CP: variants seen among roughly 807,000 people sequenced by gnomAD.
The protein encoded by CP is ceruloplasmin.
Under a neutral mutation model 122.4 loss-of-function variants are expected in CP, and 64 were observed. That is an observed-to-expected ratio of 0.52 (90% CI 0.43 to 0.64). CP has a LOEUF of 0.64. Ranked by LOEUF, CP falls within the 30% of genes least tolerant of loss-of-function variation. CP has a pLI of 0.00. For missense variants in CP, 1,167 were observed against 1,284.4 expected (o/e 0.91, Z 1.40); for synonymous variants, 440 against 436.4 (o/e 1.01, Z -0.10).
downstream of CP, chr3:149,167,950 G>T (rs750271056): frequency 6.2e-7 from 1 of 1,602,358 alleles, no homozygotes; most frequent in Non-Finnish European, 8.6e-7. Flanking sequence ...ATGTGGTGGA[G>T]AGAAGTATCA....
At position 149,199,714 on chromosome 3, in the gene CP, C is replaced by T. The variant is rs761940978; in HGVS notation, c.1499G>A (p.Arg500Lys). Residue 500 changes from arginine to lysine, a missense_variant and splice_region_variant, in exon 8 of 19, where the codon AGA (arginine) becomes AAA (lysine). This residue lies in a region of CP where 642 missense variants were observed against 627.3 expected (regional missense o/e 1.02). Coordinates refer to ENST00000264613, the MANE Select transcript of CP (RefSeq NM_000096.4). ...YYSPNYNPQS[R>K]SVPPSASHVA... ...GTTACACAGTGCTGTATACTCACTT[C>T]TGCTCTGGGGGTTGTAATTTGGGGA... 3 of 1,614,066 alleles carry T rather than the reference C, an allele frequency of 1.9e-6. No homozygotes were observed. The highest frequency in any genetic ancestry group is 2.5e-6 in the Non-Finnish European group (3 of 1,180,000).
Position 149,162,511 on chromosome 3 carries a change from G to T in CP, c.*378C>A, listed in dbSNP as rs1329029118. On this transcript the variant is annotated 3_prime_UTR_variant, in exon 6 of 6. Transcript: ENST00000479771. ...GACTATATCTGTAGAAACTTTATTT[G>T]TACATCCTAGAATCTGTTTCCTTTT... The T allele has an allele frequency of 4.4e-6, 4 of 907,446 alleles. No individual in the cohort carries two copies. The South Asian group carries it at 5.7e-5, about 13-fold the overall frequency. 56.2% of individuals were successfully genotyped at this position (907,446 alleles called of 1,614,324 possible).
intron 1 of CP, among the ~76,000 whole-genome samples, chr3:149,217,244 T>C (rs1215167649): frequency 1.3e-5 from 2 of 152,134 alleles, no homozygotes; most frequent in East Asian, 3.9e-4. Flanking sequence ...GAATGAGTCA[T>C]TTAAAGTAAA....
intron 1 of CP, among the ~76,000 whole-genome samples, chr3:149,214,575 G>T (rs1237685426): frequency 6.6e-6 from 1 of 152,182 alleles, no homozygotes; most frequent in Non-Finnish European, 1.5e-5. Flanking sequence ...ATTATTTGCA[G>T]CCTGTGTGGA....
chr3:149,185,354 C>T lies in CP; in HGVS notation c.2170G>A (p.Asp724Asn), dbSNP rs547959229. ...TVNQCRRQSEDSTFYLGERTY... is the reference protein window; with the variant it reads ...TVNQCRRQSENSTFYLGERTY... ...CTCTCTCCCAGGTAGAAGGTGGAAT[C>T]CTCAGACTGCCGCCTGCATTGGTTC... Residue 724 changes from aspartate (D) to asparagine (N), a missense_variant, in exon 12 of 19, where the codon GAT becomes AAT. By Grantham distance (23) the Asp-to-Asn change is conservative (BLOSUM62 1). Transcript: ENST00000264613. 4 of 1,614,176 alleles carry T rather than the reference C, an allele frequency of 2.5e-6. No individual in the cohort carries two copies. The highest frequency in any genetic ancestry group is 2.2e-5 in the South Asian group (2 of 91,088).
chr3:149,170,143 G>T (rs1469190500), downstream of CP, among the ~76,000 whole-genome samples: 1 of 152,116 alleles, frequency 6.6e-6, no homozygotes, highest in East Asian at 1.9e-4. Context: ...ACATGAAAGT[G>T]CTTTATTAAT....
chr3:149,179,914 T>C (rs992054122), intron 14 of CP: 5 of 448,330 alleles, frequency 1.1e-5, no homozygotes, highest in South Asian at 4.5e-5. Context: ...CCACTTGCCA[T>C]ACCACAAAGC....
downstream of CP, chr3:149,172,125 A>C: frequency 6.2e-7 from 1 of 1,613,192 alleles, no homozygotes; most frequent in Non-Finnish European, 8.5e-7. Flanking sequence ...GTGGAACTAG[A>C]ACTGAAGGAT....
chr3:149,213,225 A>G (rs1350832247), intron 1 of CP, among the ~76,000 whole-genome samples: 1 of 152,218 alleles, frequency 6.6e-6, no homozygotes, highest in African/African-American at 2.4e-5. Context: ...TTCTTTTAAC[A>G]GCACTAAATC....
Position 149,198,581 on chromosome 3 carries a change from G to A in CP, c.1502-3C>T, listed in dbSNP as rs1374309596. The A allele has an allele frequency of 6.2e-7, 1 of 1,612,786 alleles. No individual in the cohort carries two copies. Among genetic ancestry groups the A allele is most frequent in the African/African-American group, 1.3e-5 (1 of 74,938 alleles). On this transcript the variant is annotated splice_region_variant and splice_polypyrimidine_tract_variant and intron_variant, in intron 8 of 18. Coordinates refer to ENST00000264613, the MANE Select transcript of CP (RefSeq NM_000096.4). ...ATGGGAGGCTGAAGGAGGCACACCT[G>A]TGAGAAAGGTCACATTAGAGAGGTG... is the stretch of plus-strand genomic sequence containing the variant.
At position 149,179,535 on chromosome 3, in the gene CP, A is replaced by G. The variant is rs772333039; in HGVS notation, c.2661+21T>C. The G allele has an allele frequency of 1.9e-6, 3 of 1,581,278 alleles. No individual in the cohort carries two copies. In the East Asian group the frequency reaches 6.7e-5, roughly 35 times the overall value. ...GTGTCTATTTTGGGAAGTGTCACAA[A>G]ACAAATGATTTGTATTTTACCTTAA... On this transcript the variant is annotated intron_variant, in intron 15 of 18. Transcript: ENST00000264613.
rs758930665 is a variant in CP, at chr3:149,202,157, G to T, written c.1293C>A (p.Ala431=). The T allele has an allele frequency of 6.2e-7, 1 of 1,614,098 alleles. No individual in the cohort carries two copies. The change falls in exon 7 of 19, where the codon GCC becomes GCA. Residue 431 remains alanine, a synonymous_variant. Coordinates refer to ENST00000264613, the MANE Select transcript of CP (RefSeq NM_000096.4). ...CTCTCTCCTTTCGATTTGTGAAGGAGGCATCTGTGTACTCACGATAAACCA... is the reference window on the plus strand; with the variant it reads ...CTCTCTCCTTTCGATTTGTGAAGGATGCATCTGTGTACTCACGATAAACCA... ...KKLVYREYTD[A]SFTNRKERGP... is the part of the protein sequence containing the mutation.
Position 149,207,592 on chromosome 3 carries a change from A to G in CP, c.807T>C (p.Ser269=). Residue 269 remains serine, a synonymous_variant, in exon 5 of 19, where the codon AGT becomes AGC. Coordinates refer to ENST00000264613, the MANE Select transcript of CP (RefSeq NM_000096.4). ...MYSVNGYTFG[S]LPGLSMCAED... The stretch of plus-strand genomic sequence containing the variant: ...CAGCACACATGGAGAGTCCTGGGAG[A>G]CTTCCAAAAGTGTATCCATTCACAG... The G allele has an allele frequency of 6.2e-7, 1 of 1,613,964 alleles. No individual in the cohort carries two copies. The highest frequency in any genetic ancestry group is 8.5e-7 in the Non-Finnish European group (1 of 1,179,834).
At chr3:149,201,479 C>T (rs1727312998) in intron 7 of CP, among the ~76,000 whole-genome samples, 1 of 152,168 alleles carries the variant, frequency 6.6e-6, no homozygotes, top group Non-Finnish European at 1.5e-5. Context: ...AGGCTCACAA[C>T]TTAGTTATCT....
intron 1 of CP, among the ~76,000 whole-genome samples, chr3:149,215,172 A>G (rs1728382408): frequency 6.6e-6 from 1 of 152,236 alleles, no homozygotes; most frequent in South Asian, 2.1e-4. Flanking sequence ...GCTTCATTTA[A>G]ATAAAATGTT....
intron 6 of CP, among the ~76,000 whole-genome samples, chr3:149,204,452 T>A (rs1465402838): frequency 6.6e-6 from 1 of 152,158 alleles, no homozygotes; most frequent in Non-Finnish European, 1.5e-5. Flanking sequence ...GGAGTTTGAA[T>A]AGCCTCATCC....
chr3:149,162,738 T>G, exon 6 of CP: 1 of 1,614,084 alleles, frequency 6.2e-7, no homozygotes. Flanking sequence ...CTTGGTAGAC[T>G]TTTGGGAAGC....
rs369192366 is a variant in CP, at chr3:149,189,204, C to G, written c.1714-1002G>C. On this transcript the variant is annotated intron_variant, in intron 9 of 18. Coordinates refer to ENST00000264613, the MANE Select transcript of CP (RefSeq NM_000096.4). ...GCTTCCTGAAAACAAGACAAAATTACAAAATTAGTAATGGAGATCTGTACT... is the reference window on the plus strand; with the variant it reads ...GCTTCCTGAAAACAAGACAAAATTAGAAAATTAGTAATGGAGATCTGTACT... Among the ~76,000 whole-genome samples, 134 of 152,198 alleles carry G rather than the reference C, an allele frequency of 8.8e-4. 2 individuals carry two copies. The highest frequency in any genetic ancestry group is 3.1e-3 in the African/African-American group (129 of 41,538).
Position 149,172,998 on chromosome 3 carries a change from T to A in CP, c.*716A>T, listed in dbSNP as rs1276725884. On this transcript the variant is annotated 3_prime_UTR_variant, in exon 19 of 19. Coordinates refer to ENST00000264613, the MANE Select transcript of CP (RefSeq NM_000096.4). ...CATTTATAACTTTTTGTTTAAAAAATTTTTAGTTCAAGTTTAGTTCATTGA... is the reference window on the plus strand; with the variant it reads ...CATTTATAACTTTTTGTTTAAAAAAATTTTAGTTCAAGTTTAGTTCATTGA... The A allele has an allele frequency of 1.3e-5, 2 of 152,644 alleles. No individual in the cohort carries two copies. The highest frequency in any genetic ancestry group is 4.8e-5 in the African/African-American group (2 of 41,470). 9.5% of individuals were successfully genotyped at this position (152,644 alleles called of 1,614,324 possible).
Sources: allele counts gnomAD v4.1 joint callset (sites outside exome capture counted in the v4.1 genomes callset), GRCh38; gene constraint gnomAD v4.1.1; regional missense constraint gnomAD v4.1.1; transcripts MANE v1.5; gene names NCBI Gene and HGNC (gene_info 2026-07-23, HGNC 2026-07-21).